GLIS3: variants seen among roughly 807,000 people sequenced by gnomAD.
The protein encoded by GLIS3 is GLIS family zinc finger 3.
A neutral mutation model predicts 78.6 loss-of-function variants in GLIS3; 53 were observed. The ratio of observed to expected loss-of-function variants is 0.67; its 90% CI spans 0.54 to 0.85. GLIS3 has a LOEUF of 0.85. Ranked by LOEUF, GLIS3 falls within the 40% of genes least tolerant of loss-of-function variation. The pLI is 0.00. For synonymous variants in GLIS3, 684 were observed against 509.9 expected, an observed-to-expected ratio of 1.34 and a Z score of -4.60; for missense variants, 1,703 against 1,231.1, an observed-to-expected ratio of 1.38 and a Z score of -5.74.
the GLIS3 span, among the ~76,000 whole-genome samples, chr9:4,486,889 G>T: frequency 2.0e-5 from 3 of 152,072 alleles, no homozygotes; most frequent in South Asian, 2.1e-4. Flanking sequence ...GTAGAGCCAA[G>T]ATTTCACTAA....
chr9:4,453,849 G>A, the GLIS3 span, among the ~76,000 whole-genome samples: 1 of 152,064 alleles, frequency 6.6e-6, no homozygotes, highest in African/African-American at 2.4e-5. Flanking sequence ...GGCTTGTCAT[G>A]GGGTGGGAGG....
intron 4 of GLIS3, among the ~76,000 whole-genome samples, chr9:4,101,107 T>C (rs2130799932): frequency 6.6e-6 from 1 of 152,332 alleles, no homozygotes; most frequent in Non-Finnish European, 1.5e-5. Flanking sequence ...CCAACAACCC[T>C]GGGTCCTGGT....
chr9:4,020,045 C>G (rs1588466190), intron 4 of GLIS3, among the ~76,000 whole-genome samples: 1 of 152,262 alleles, frequency 6.6e-6, no homozygotes, highest in East Asian at 1.9e-4. Flanking sequence ...GCCACTGCAC[C>G]TAGCCTACAA....
intron 2 of GLIS3, among the ~76,000 whole-genome samples, chr9:4,141,173 C>T (rs1041151068): frequency 6.6e-6 from 1 of 152,120 alleles, no homozygotes; most frequent in African/African-American, 2.4e-5. Context: ...CTGAAGGTGG[C>T]AGAGCCTTCT....
the GLIS3 span, among the ~76,000 whole-genome samples, chr9:4,403,345 G>C: frequency 6.6e-6 from 1 of 152,168 alleles, no homozygotes; most frequent in African/African-American, 2.4e-5. Flanking sequence ...GGATGTTAAT[G>C]ACCAAGAAGA....
chr9:4,419,313 C>G, the GLIS3 span, among the ~76,000 whole-genome samples: 1 of 152,086 alleles, frequency 6.6e-6, no homozygotes, highest in Non-Finnish European at 1.5e-5. Flanking sequence ...CAAAGAAATA[C>G]CTGAGACTGG....
intron 2 of GLIS3, among the ~76,000 whole-genome samples, chr9:4,144,403 G>C (rs1385282624): frequency 6.6e-6 from 1 of 152,194 alleles, no homozygotes; most frequent in Non-Finnish European, 1.5e-5. Context: ...GGGAAAAAAA[G>C]GCCAGGTATC....
At chr9:4,293,304 C>T (rs1816188319) in intron 1 of GLIS3, among the ~76,000 whole-genome samples, 1 of 151,976 alleles carries the variant, frequency 6.6e-6, no homozygotes, top group Non-Finnish European at 1.5e-5. Flanking sequence ...TTATTGTGTC[C>T]CCATCACACA....
At chr9:4,324,531 T>C (rs773350262) in intron 2 of GLIS3, among the ~76,000 whole-genome samples, 1 of 150,482 alleles carries the variant, frequency 6.6e-6, no homozygotes, top group East Asian at 1.9e-4. Flanking sequence ...ATGGTAGTTA[T>C]TATTATGATT....
the GLIS3 span, among the ~76,000 whole-genome samples, chr9:4,360,783 C>A: frequency 1.3e-5 from 2 of 152,186 alleles, no homozygotes; most frequent in Non-Finnish European, 2.9e-5. Context: ...GCACAGACAC[C>A]TTGAAGGGTG....
chr9:3,902,645 C>G (rs2380908), intron 6 of GLIS3, among the ~76,000 whole-genome samples: 113,560 of 152,016 alleles, frequency 0.75, 42,537 homozygotes, highest in East Asian at 0.83. Flanking sequence ...CCCAGAGCTG[C>G]TCATTCAGTA....
intron 2 of GLIS3, among the ~76,000 whole-genome samples, chr9:4,220,519 C>T (rs1821236312): frequency 6.6e-6 from 1 of 152,156 alleles, no homozygotes; most frequent in Non-Finnish European, 1.5e-5. Flanking sequence ...TACATCATGT[C>T]TGTGGTATTT....
chr9:4,413,381 T>A, the GLIS3 span, among the ~76,000 whole-genome samples: 1 of 152,186 alleles, frequency 6.6e-6, no homozygotes, highest in East Asian at 1.9e-4. Flanking sequence ...TCTCTTCCAA[T>A]CTCACGGTCA....
rs887941720 is a variant in GLIS3, at chr9:4,201,252, C to T, written c.389-75311G>A. Among the ~76,000 whole-genome samples the T allele has an allele frequency of 2.6e-5, 4 of 152,262 alleles. No individual in the cohort carries two copies. The East Asian group carries it at 5.8e-4, about 22-fold the overall frequency. On this transcript the variant is annotated intron_variant, in intron 2 of 10. Coordinates refer to ENST00000381971, the MANE Select transcript of GLIS3 (RefSeq NM_001042413.2). ...ATACTAAACAGACAAAACCTAAAAG[C>T]ATTCCCTTGAAAACTGGAACAAGAC... is the stretch of plus-strand genomic sequence containing the variant.
chr9:3,990,586 A>G (rs914715995), intron 4 of GLIS3, among the ~76,000 whole-genome samples: 1 of 152,204 alleles, frequency 6.6e-6, no homozygotes. Context: ...TAGGGTGAAC[A>G]GAAATTTCCT....
At chr9:4,274,512 C>T (rs1275373906) in intron 2 of GLIS3, among the ~76,000 whole-genome samples, 1 of 152,116 alleles carries the variant, frequency 6.6e-6, no homozygotes, top group Non-Finnish European at 1.5e-5. Context: ...CTTGCAAGTC[C>T]CCATCCCTGC....
intron 4 of GLIS3, among the ~76,000 whole-genome samples, chr9:4,063,229 T>C (rs1351993867): frequency 2.0e-5 from 3 of 152,218 alleles, no homozygotes; most frequent in African/African-American, 7.2e-5. Context: ...ATTACTCATA[T>C]GTGTTTTTAT....
chr9:4,458,660 C>G, the GLIS3 span, among the ~76,000 whole-genome samples: 1 of 151,706 alleles, frequency 6.6e-6, no homozygotes, highest in Non-Finnish European at 1.5e-5. Context: ...TGGTGGCGCA[C>G]GTCTGTAGTC....
intron 2 of GLIS3, among the ~76,000 whole-genome samples, chr9:4,261,892 G>C (rs1825564844): frequency 6.6e-6 from 1 of 152,114 alleles, no homozygotes; most frequent in Non-Finnish European, 1.5e-5. Flanking sequence ...GCCAATTATA[G>C]CACATCGCAA....
Sources: gnomAD v4.1 joint callset for allele counts (sites outside exome capture counted in the v4.1 genomes callset) on GRCh38, gnomAD v4.1.1 for gene constraint, MANE v1.5 for transcripts, NCBI Gene and HGNC (gene_info 2026-07-23, HGNC 2026-07-21) for gene names.